Variants in TMCO6 observed in about 807,000 individuals in gnomAD.
TMCO6 encodes the protein transmembrane and coiled-coil domain-containing protein 6.
A neutral mutation model predicts 61.8 loss-of-function variants in TMCO6; 47 were observed. That is an observed-to-expected ratio of 0.76 (90% confidence interval 0.60 to 0.97). The LOEUF (loss-of-function observed/expected upper bound fraction) is 0.97, where lower values mean the gene tolerates loss of function less well. TMCO6 is among the 50% of genes least tolerant of loss of function. The pLI, the probability that TMCO6 is intolerant of heterozygous loss-of-function variation, is 0.00. For missense variants in TMCO6, 557 were observed against 601.6 expected (o/e 0.93, Z 0.78); for synonymous variants, 261 against 254.2 (o/e 1.03, Z -0.25).
chr5:140,620,776 C>A, the TMCO6 span, among the ~76,000 whole-genome samples: 2 of 152,094 alleles, frequency 1.3e-5, no homozygotes, highest in African/African-American at 4.8e-5. Flanking sequence ...TTTGGGAGGC[C>A]AAGGCAGGAG....
the TMCO6 span, among the ~76,000 whole-genome samples, chr5:140,625,108 T>C: frequency 6.6e-6 from 1 of 152,108 alleles, no homozygotes; most frequent in Non-Finnish European, 1.5e-5. Context: ...CGCCTTGGCC[T>C]CCCAAAGTGC....
chr5:140,622,883 T>C, the TMCO6 span, among the ~76,000 whole-genome samples: 9 of 152,138 alleles, frequency 5.9e-5, no homozygotes, highest in Non-Finnish European at 1.2e-4. Flanking sequence ...TTTATGTATT[T>C]ATATTTTATT....
At chr5:140,603,297 ATTATTTTATT>A in the TMCO6 span, among the ~76,000 whole-genome samples, 8 of 151,816 alleles carry the variant, frequency 5.3e-5, no homozygotes, top group African/African-American at 4.8e-5. Flanking sequence ...ATTTTATTTT[ATTATTTTATT>A]TTATTTTATT....
the TMCO6 span, among the ~76,000 whole-genome samples, chr5:140,611,081 G>GC: frequency 6.6e-6 from 1 of 152,152 alleles, no homozygotes. Flanking sequence ...GCTCAACAAA[G>GC]ACAGGTTTAT....
the TMCO6 span, among the ~76,000 whole-genome samples, chr5:140,621,402 T>A: frequency 6.6e-6 from 1 of 152,190 alleles, no homozygotes; most frequent in East Asian, 1.9e-4. Flanking sequence ...ACATAAATTG[T>A]AAAGAGTTCA....
At chr5:140,634,482 C>CTTT (rs1221427030), upstream of TMCO6, among the ~76,000 whole-genome samples, 81 of 110,874 alleles carry the variant, frequency 7.3e-4, 1 homozygote, top group Non-Finnish European at 9.9e-4. Context: ...ATATGAAAGT[C>CTTT]TTTTTTTTTT....
the TMCO6 span, among the ~76,000 whole-genome samples, chr5:140,619,482 A>C: frequency 6.6e-6 from 1 of 152,198 alleles, no homozygotes; most frequent in East Asian, 1.9e-4. Context: ...GTGGGCCTTA[A>C]TAAGCATATT....
At chr5:140,615,677 A>G in the TMCO6 span, among the ~76,000 whole-genome samples, 1 of 152,236 alleles carries the variant, frequency 6.6e-6, no homozygotes, top group Non-Finnish European at 1.5e-5. Context: ...AGGTGCCAAG[A>G]CTATTCAATA....
At chr5:140,632,186 G>A in the TMCO6 span, 1 of 1,613,814 alleles carries the variant, frequency 6.2e-7, no homozygotes, top group South Asian at 1.1e-5. This position sits in a 1 kb window ranked among gnomAD's most constrained non-coding sequence, Gnocchi z 6.2. Flanking sequence ...GAGCGCTAGG[G>A]TTTACGGTGG....
At chr5:140,616,631 T>G in the TMCO6 span, among the ~76,000 whole-genome samples, 1,164 of 151,880 alleles carry the variant, frequency 7.7e-3, 16 homozygotes, top group African/African-American at 0.027. Flanking sequence ...ATCAGCAGAG[T>G]AAAAACGCAA....
the TMCO6 span, among the ~76,000 whole-genome samples, chr5:140,614,282 G>T: frequency 6.6e-6 from 1 of 152,114 alleles, no homozygotes; most frequent in Admixed American, 6.6e-5. Flanking sequence ...GTTGAGGAGG[G>T]CATATAACCT....
downstream of TMCO6, among the ~76,000 whole-genome samples, chr5:140,646,462 C>G (rs1359703776): frequency 6.6e-6 from 1 of 152,102 alleles, no homozygotes; most frequent in African/African-American, 2.4e-5. Context: ...TGTCTAATGT[C>G]TACTGTGTCT....
intron 6 of TMCO6, 31 bp from the exon 7 acceptor site, chr5:140,642,893 GT>G: frequency 1.9e-6 from 3 of 1,614,080 alleles, no homozygotes; most frequent in Non-Finnish European, 2.5e-6. Context: ...CATCTTCGTG[GT>G]TCCTACTTAC....
downstream of TMCO6, chr5:140,647,304 G>T: frequency 6.3e-7 from 1 of 1,587,872 alleles, no homozygotes; most frequent in Non-Finnish European, 8.6e-7. Context: ...TCGCGGATTA[G>T]GATGGGTAGG....
chr5:140,621,090 T>A, the TMCO6 span, among the ~76,000 whole-genome samples: 1 of 152,190 alleles, frequency 6.6e-6, no homozygotes, highest in Non-Finnish European at 1.5e-5. Context: ...TCTGAATATA[T>A]GCCCAAAAGA....
At chr5:140,610,765 T>C in the TMCO6 span, among the ~76,000 whole-genome samples, 1 of 152,224 alleles carries the variant, frequency 6.6e-6, no homozygotes, top group Non-Finnish European at 1.5e-5. Flanking sequence ...CAATGTTGAA[T>C]AGAGGTGGTG....
At chr5:140,626,742 G>A in the TMCO6 span, among the ~76,000 whole-genome samples, 1 of 152,116 alleles carries the variant, frequency 6.6e-6, no homozygotes, top group Non-Finnish European at 1.5e-5. Context: ...AGTAGAGATG[G>A]GGTTTTGCCA....
intron 2 of TMCO6, 91 bp from the exon 3 acceptor site, chr5:140,641,574 T>C: frequency 1.9e-6 from 2 of 1,047,554 alleles, no homozygotes; most frequent in South Asian, 1.5e-5. Context: ...AGGTGTGATA[T>C]TGGAAGGCTC....
At chr5:140,642,466 C>A (rs1173919074) in intron 5 of TMCO6, 47 bp downstream of exon 5, 3 of 1,604,206 alleles carry the variant, frequency 1.9e-6, no homozygotes, top group African/African-American at 2.7e-5. Context: ...TGCTCCTCCC[C>A]ACATGCTCCA....
Sources: allele counts gnomAD v4.1 joint callset (sites outside exome capture counted in the v4.1 genomes callset), GRCh38; gene constraint gnomAD v4.1.1; non-coding constraint Gnocchi (gnomAD v3.1); transcripts MANE v1.5; gene names NCBI Gene and HGNC (gene_info 2026-07-23, HGNC 2026-07-21).